The following GLRB variants were observed in gnomAD, a reference collection of about 807,000 sequenced individuals.
GLRB encodes glycine receptor subunit beta.
Under a neutral mutation model 54.2 loss-of-function variants are expected in GLRB, and 33 were observed. That is an observed-to-expected ratio of 0.61 (90% CI 0.46 to 0.81). The LOEUF is 0.81. Ranked by LOEUF, GLRB falls within the 40% of genes least tolerant of loss-of-function variation. GLRB has a pLI of 0.00. For missense variants in GLRB, 572 were observed against 584.6 expected, an observed-to-expected ratio of 0.98 and a Z score of 0.22; for synonymous variants, 209 against 208.2, an observed-to-expected ratio of 1.00 and a Z score of -0.03.
chr4:157,088,101 A>G (rs987076319), intron 2 of GLRB, among the ~76,000 whole-genome samples: 1 of 152,176 alleles, frequency 6.6e-6, no homozygotes, highest in Non-Finnish European at 1.5e-5. Context: ...TTAAATTGCT[A>G]ATAAAATATG....
intron 2 of GLRB, among the ~76,000 whole-genome samples, chr4:157,079,979 A>AC (rs1296226329): frequency 2.6e-5 from 4 of 151,854 alleles, no homozygotes; most frequent in African/African-American, 4.8e-5. Context: ...CAGTACACCC[A>AC]CCCCCCATCC....
intron 2 of GLRB, among the ~76,000 whole-genome samples, chr4:157,081,587 C>G (rs185013438): frequency 6.6e-6 from 1 of 152,300 alleles, no homozygotes; most frequent in East Asian, 1.9e-4. Flanking sequence ...TAGACCATCT[C>G]TTTCTACCTT....
At chr4:157,101,604 T>C (rs1358843227) in intron 2 of GLRB, among the ~76,000 whole-genome samples, 4 of 152,062 alleles carry the variant, frequency 2.6e-5, no homozygotes, top group African/African-American at 9.7e-5. Flanking sequence ...GCCTACTGTT[T>C]TGTGGTGAGG....
chr4:157,151,755 T>C (rs1267708668), intron 8 of GLRB, among the ~76,000 whole-genome samples: 1 of 152,046 alleles, frequency 6.6e-6, no homozygotes, highest in African/African-American at 2.4e-5. Context: ...ATTATTATGG[T>C]GATATATATA....
chr4:157,082,989 TAC>T (rs1491047953), intron 2 of GLRB, among the ~76,000 whole-genome samples: 9 of 142,752 alleles, frequency 6.3e-5, no homozygotes, highest in Non-Finnish European at 1.1e-4. Flanking sequence ...TATATATATA[TAC>T]ACACATACTT....
At chr4:157,125,768 A>G (rs1302980645) in intron 4 of GLRB, among the ~76,000 whole-genome samples, 1 of 151,786 alleles carries the variant, frequency 6.6e-6, no homozygotes, top group East Asian at 2.0e-4. Flanking sequence ...CCCCGTCTGT[A>G]CTAAAAATAC....
intron 2 of GLRB, among the ~76,000 whole-genome samples, chr4:157,111,648 T>C (rs1735423130): frequency 6.6e-6 from 1 of 152,048 alleles, no homozygotes; most frequent in South Asian, 2.1e-4. Flanking sequence ...ATTGATCCAT[T>C]TGTTGTTGAA....
intron 7 of GLRB, among the ~76,000 whole-genome samples, chr4:157,141,510 TATG>T (rs904670559): frequency 1.3e-5 from 2 of 151,962 alleles, no homozygotes; most frequent in African/African-American, 4.8e-5. Context: ...TATGCTTTTT[TATG>T]ATTATAGAAG....
intron 2 of GLRB, among the ~76,000 whole-genome samples, chr4:157,094,425 C>A (rs899301611): frequency 6.6e-6 from 1 of 152,050 alleles, no homozygotes; most frequent in Non-Finnish European, 1.5e-5. Flanking sequence ...TGAATCACTG[C>A]AGTTTATTTT....
chr4:157,122,984 A>G (rs1735889991), intron 4 of GLRB, among the ~76,000 whole-genome samples: 1 of 151,730 alleles, frequency 6.6e-6, no homozygotes, highest in South Asian at 2.1e-4. Context: ...CTTGAAAGGA[A>G]TAGGAAAGAG....
At chr4:157,130,362 G>A (rs1736169720) in intron 4 of GLRB, among the ~76,000 whole-genome samples, 1 of 151,620 alleles carries the variant, frequency 6.6e-6, no homozygotes, top group Non-Finnish European at 1.5e-5. Context: ...TTTTGGTTTA[G>A]TGAAATCACA....
intron 2 of GLRB, among the ~76,000 whole-genome samples, chr4:157,080,321 T>A (rs896206706): frequency 2.0e-5 from 3 of 152,208 alleles, no homozygotes; most frequent in African/African-American, 7.2e-5. Flanking sequence ...TCTTTGAATT[T>A]TTACATTATA....
chr4:157,166,832 C>T (rs1011598530), intron 9 of GLRB, among the ~76,000 whole-genome samples: 1 of 151,952 alleles, frequency 6.6e-6, no homozygotes, highest in Non-Finnish European at 1.5e-5. Context: ...TGTGAATAAA[C>T]ATAATATTCT....
At chr4:157,092,980 C>T (rs941903399) in intron 2 of GLRB, among the ~76,000 whole-genome samples, 1 of 152,162 alleles carries the variant, frequency 6.6e-6, no homozygotes, top group East Asian at 1.9e-4. Flanking sequence ...CTTCGGTCTT[C>T]TGCTTCCCAT....
At chr4:157,108,774 T>C (rs1206749701) in intron 2 of GLRB, among the ~76,000 whole-genome samples, 3 of 152,084 alleles carry the variant, frequency 2.0e-5, no homozygotes, top group East Asian at 1.9e-4. Flanking sequence ...AGATGTTCTG[T>C]AGATAAAAGG....
chr4:157,120,354 G>A lies in GLRB; in HGVS notation c.123-202G>A, dbSNP rs1735765040. 2.7e-5 allele frequency among the ~76,000 whole-genome samples: 4 copies of A among 149,378 alleles called. No homozygotes were observed. The South Asian group carries it at 8.4e-4, about 31-fold the overall frequency. On this transcript the variant is annotated intron_variant, in intron 2 of 9. Transcript: ENST00000264428. ...CATATGTAACTAACCTGCACATTGT[G>A]CACACATACCCTAAAACTTAAAATA...
At chr4:157,085,618 TCCCGAGTAGCTGGGA>T (rs1284770080) in intron 2 of GLRB, among the ~76,000 whole-genome samples, 2 of 152,178 alleles carry the variant, frequency 1.3e-5, no homozygotes, top group East Asian at 1.9e-4. Flanking sequence ...TGCCTCAGCC[TCCCGAGTAGCTGGGA>T]CTACAGGTGC....
intron 2 of GLRB, among the ~76,000 whole-genome samples, chr4:157,118,769 C>T (rs996498229): frequency 1.3e-5 from 2 of 151,522 alleles, no homozygotes; most frequent in African/African-American, 4.8e-5. Flanking sequence ...TAGATAAAGA[C>T]TTTTGATTTC....
At chr4:157,148,430 T>G (rs556843982) in intron 8 of GLRB, among the ~76,000 whole-genome samples, 1 of 152,322 alleles carries the variant, frequency 6.6e-6, no homozygotes, top group African/African-American at 2.4e-5. Context: ...ATTTGATCTC[T>G]TTGTAATTGC....
Sources: allele counts gnomAD v4.1 joint callset (sites outside exome capture counted in the v4.1 genomes callset), GRCh38; gene constraint gnomAD v4.1.1; transcripts MANE v1.5; gene names NCBI Gene and HGNC (gene_info 2026-07-23, HGNC 2026-07-21).